The following ENOX1 variants were observed in gnomAD, a reference collection of about 807,000 sequenced individuals.
ENOX1 encodes the protein candidate growth-related and time keeping constitutive hydroquinone (NADH) oxidase.
ENOX1 carries 42 observed loss-of-function variants against 82.5 expected under a neutral mutation model. The ratio of observed to expected loss-of-function variants is 0.51; its 90% CI spans 0.40 to 0.66. ENOX1 has a LOEUF of 0.66. Among genes scored for constraint, ENOX1 ranks in the 30% least tolerant of loss-of-function variants. The pLI is 0.00. For synonymous variants in ENOX1, 271 were observed against 282.2 expected (o/e 0.96, Z 0.40); for missense variants, 608 against 811.6 (o/e 0.75, Z 3.05).
At chr13:43,221,747 T>G (rs989307225) in intron 16 of ENOX1, among the ~76,000 whole-genome samples, 5 of 152,202 alleles carry the variant, frequency 3.3e-5, no homozygotes, top group African/African-American at 1.2e-4. Flanking sequence ...ATAATTTAAA[T>G]TAATTCCTTC....
At chr13:43,613,621 TAA>T in intron 2 of ENOX1, among the ~76,000 whole-genome samples, 1 of 152,178 alleles carries the variant, frequency 6.6e-6, no homozygotes, top group Admixed American at 6.5e-5. Context: ...ATTAAAAGGA[TAA>T]GAGGCTACTA....
chr13:43,751,565 G>A (rs146637650), intron 1 of ENOX1, among the ~76,000 whole-genome samples: 2 of 152,214 alleles, frequency 1.3e-5, no homozygotes, highest in East Asian at 1.9e-4. Flanking sequence ...CCCAGGGAAC[G>A]ACTGATCTGC....
chr13:43,615,333 C>T (rs2082361227), intron 2 of ENOX1, among the ~76,000 whole-genome samples: 1 of 152,018 alleles, frequency 6.6e-6, no homozygotes, highest in Non-Finnish European at 1.5e-5. Context: ...TAACGCCCCC[C>T]AAAAGAGGCG....
At chr13:43,538,714 G>A (rs1566480412) in intron 2 of ENOX1, among the ~76,000 whole-genome samples, 2 of 152,120 alleles carry the variant, frequency 1.3e-5, no homozygotes, top group South Asian at 2.1e-4. Flanking sequence ...CTATAATGAT[G>A]TCCTCCTCTT....
At chr13:43,496,205 T>C (rs2076786846) in intron 2 of ENOX1, among the ~76,000 whole-genome samples, 1 of 151,846 alleles carries the variant, frequency 6.6e-6, no homozygotes, top group South Asian at 2.1e-4. Flanking sequence ...TGAGTGCTTT[T>C]AGTATCCTAA....
rs2051275715 is a variant in ENOX1, at chr13:43,372,012, A to G, written c.209-10560T>C. 3.3e-5 allele frequency among the ~76,000 whole-genome samples: 5 copies of G among 152,356 alleles called. No individual in the cohort carries two copies. In the South Asian group the frequency reaches 1.0e-3, roughly 32 times the overall value. On this transcript the variant is annotated intron_variant, in intron 5 of 16. Coordinates refer to ENST00000690772, the MANE Select transcript of ENOX1 (RefSeq NM_001347969.2). ...GGGTCCAACATGGCTCTTGGCATAT[A>G]GTATCCTCTTCAACAAGTATCAGTT...
intron 12 of ENOX1, among the ~76,000 whole-genome samples, chr13:43,291,756 T>C (rs2046012758): frequency 6.6e-6 from 1 of 152,218 alleles, no homozygotes; most frequent in South Asian, 2.1e-4. Flanking sequence ...AGGCAATGTA[T>C]GTGTTTGTAT....
chr13:43,601,487 C>G (rs944988726), intron 2 of ENOX1, among the ~76,000 whole-genome samples: 3 of 151,618 alleles, frequency 2.0e-5, no homozygotes, highest in Non-Finnish European at 4.4e-5. Context: ...GGGAAATACA[C>G]AAAGGAGACA....
chr13:43,721,582 T>G (rs1306178413), intron 1 of ENOX1, among the ~76,000 whole-genome samples: 2 of 151,610 alleles, frequency 1.3e-5, no homozygotes, highest in Admixed American at 6.6e-5. Context: ...GTTTCACCGT[T>G]TTAGCCGGGA....
At chr13:43,570,533 T>A (rs1442798139) in intron 2 of ENOX1, among the ~76,000 whole-genome samples, 2 of 152,120 alleles carry the variant, frequency 1.3e-5, no homozygotes. Context: ...GTATCGATCA[T>A]GTTAGCATCT....
intron 1 of ENOX1, among the ~76,000 whole-genome samples, chr13:43,784,788 C>T (rs1952473816): frequency 6.6e-6 from 1 of 152,166 alleles, no homozygotes; most frequent in Admixed American, 6.5e-5. Context: ...GCATCAGTTG[C>T]TGTTTGTTTC....
intron 12 of ENOX1, among the ~76,000 whole-genome samples, chr13:43,280,905 G>T (rs1430145854): frequency 1.3e-5 from 2 of 152,184 alleles, no homozygotes; most frequent in African/African-American, 4.8e-5. Context: ...ATCACTAAGG[G>T]AAGTGAGAGG....
At chr13:43,679,688 T>C (rs1418551506) in intron 1 of ENOX1, among the ~76,000 whole-genome samples, 1 of 152,194 alleles carries the variant, frequency 6.6e-6, no homozygotes, top group Non-Finnish European at 1.5e-5. Context: ...TCAACACTTA[T>C]ATTCTATGAT....
At chr13:43,214,735 G>A (rs1337152716) in intron 16 of ENOX1, among the ~76,000 whole-genome samples, 1 of 152,006 alleles carries the variant, frequency 6.6e-6, no homozygotes, top group Admixed American at 6.6e-5. Context: ...TTTATTTGAT[G>A]AATTTTTACA....
intron 1 of ENOX1, among the ~76,000 whole-genome samples, chr13:43,709,011 G>C (rs1275014699): frequency 6.6e-6 from 1 of 151,950 alleles, no homozygotes; most frequent in Non-Finnish European, 1.5e-5. Flanking sequence ...AAAATTACTG[G>C]GGTAAAAAGG....
intron 5 of ENOX1, among the ~76,000 whole-genome samples, chr13:43,377,353 C>G (rs1034680177): frequency 2.0e-5 from 3 of 152,230 alleles, no homozygotes; most frequent in Admixed American, 6.5e-5. Context: ...CAGATGCTGG[C>G]ACCATGCCCT....
intron 2 of ENOX1, among the ~76,000 whole-genome samples, chr13:43,518,836 A>G (rs2077654873): frequency 6.6e-6 from 1 of 152,224 alleles, no homozygotes; most frequent in South Asian, 2.1e-4. Flanking sequence ...TCTGAGAGAT[A>G]GAATAATTCA....
intron 2 of ENOX1, among the ~76,000 whole-genome samples, chr13:43,631,900 A>C (rs568490669): frequency 1.5e-4 from 23 of 152,282 alleles, no homozygotes; most frequent in African/African-American, 5.3e-4. Flanking sequence ...AAAATTATTA[A>C]AGAACACTTT....
At chr13:43,708,020 T>C (rs900242667) in intron 1 of ENOX1, among the ~76,000 whole-genome samples, 1 of 151,824 alleles carries the variant, frequency 6.6e-6, no homozygotes, top group East Asian at 1.9e-4. Flanking sequence ...TCTAAAATAA[T>C]TGGTTGTAGC....
Sources: allele counts gnomAD v4.1 joint callset (sites outside exome capture counted in the v4.1 genomes callset), GRCh38; gene constraint gnomAD v4.1.1; transcripts MANE v1.5; gene names NCBI Gene and HGNC (gene_info 2026-07-23, HGNC 2026-07-21).